The following EPB41L4B variants were observed in gnomAD, a reference collection of about 807,000 sequenced individuals.
EPB41L4B encodes band 4.1-like protein 4B.
Under a neutral mutation model 112.5 loss-of-function variants are expected in EPB41L4B, and 30 were observed. The ratio of observed to expected loss-of-function variants is 0.27; its 90% CI spans 0.20 to 0.36. EPB41L4B has a LOEUF of 0.36. Ranked by LOEUF, EPB41L4B falls within the 10% of genes least tolerant of loss-of-function variation. The probability of loss-of-function intolerance (pLI) is 1.00; values close to 1 mark genes in which losing one functional copy is unlikely to be tolerated. For missense variants in EPB41L4B, 1,024 were observed against 1,133.3 expected, an observed-to-expected ratio of 0.90 and a Z score of 1.38; for synonymous variants, 408 against 439.7, an observed-to-expected ratio of 0.93 and a Z score of 0.90.
At chr9:109,240,180 C>T in intron 15 of EPB41L4B, 1 of 985,258 alleles carries the variant, frequency 1.0e-6, no homozygotes, top group South Asian at 4.7e-5. Context: ...AATCTTTATT[C>T]CTTGGAAACA....
intron 19 of EPB41L4B, among the ~76,000 whole-genome samples, chr9:109,202,133 A>G (rs201632748): frequency 6.6e-6 from 1 of 152,170 alleles, no homozygotes; most frequent in East Asian, 1.9e-4. Flanking sequence ...CCCAGGTTTC[A>G]GGCCTGGGTG....
rs115046760 is a variant in EPB41L4B, at chr9:109,278,190, T to C, written c.411+1627A>G. ...TGTTCTGCCCTTCTCCCGGGTCCGG[T>C]GGACGGAGTGAGAGTCTCTGGCTGA... On this transcript the variant is annotated intron_variant, in intron 2 of 25. Coordinates refer to ENST00000374566, the MANE Select transcript of EPB41L4B (RefSeq NM_019114.5). 7.9e-3 allele frequency among the ~76,000 whole-genome samples: 1,201 copies of C among 152,078 alleles called. 23 individuals carry two copies. Among genetic ancestry groups the C allele is most frequent in the East Asian group, 0.048 (250 of 5,158 alleles).
intron 20 of EPB41L4B, among the ~76,000 whole-genome samples, chr9:109,197,253 T>A (rs982047838): frequency 1.3e-5 from 2 of 151,846 alleles, no homozygotes; most frequent in Non-Finnish European, 2.9e-5. Flanking sequence ...GGAAACCCTG[T>A]CTCTACTAAA....
intron 19 of EPB41L4B, 90 bp from the exon 20 acceptor site, chr9:109,200,424 C>T (rs1832784024): frequency 6.5e-6 from 6 of 920,400 alleles, no homozygotes; most frequent in South Asian, 1.5e-5. Flanking sequence ...AGTTAATGTA[C>T]ACCTTAATAA....
chr9:109,200,287 T>G lies in EPB41L4B; in HGVS notation c.1994A>C (p.Lys665Thr), dbSNP rs755831558. Residue 665 changes from lysine to threonine, a missense_variant, in exon 20 of 26, where the codon AAG (lysine) becomes ACG (threonine). Coordinates refer to ENST00000374566, the MANE Select transcript of EPB41L4B (RefSeq NM_019114.5). ...CACTCGGGGAGGCTTGATTTCCGGC[T>G]TTTCCACAGCTGGCTGGGCAGTTTC... ...RVETAQPAVE[K>T]PEIKPPRVRK... The G allele has an allele frequency of 1.2e-6, 2 of 1,614,154 alleles. No individual in the cohort carries two copies. Among genetic ancestry groups the G allele is most frequent in the Non-Finnish European group, 1.7e-6 (2 of 1,180,018 alleles).
In EPB41L4B at chr9:109,256,383, C is replaced by G. The variant is rs758413853; in HGVS notation, c.840+10G>C. The G allele has an allele frequency of 2.3e-5, 37 of 1,612,962 alleles. No individual in the cohort carries two copies. In the East Asian group the frequency reaches 8.2e-4, roughly 36 times the overall value. ...CAAAACCAAATTACTTAAACGCACA[C>G]AGTTCTTACCCTGACAACGTGCATG... is the stretch of plus-strand genomic sequence containing the variant. On this transcript the variant is annotated intron_variant, in intron 8 of 25. Transcript: ENST00000374566.
intron 15 of EPB41L4B, among the ~76,000 whole-genome samples, chr9:109,237,388 A>C (rs1179829476): frequency 3.9e-5 from 6 of 152,240 alleles, no homozygotes. Context: ...AGAAACATGA[A>C]TAGATGATAA....
At chr9:109,257,853 G>C (rs1394713620) in intron 7 of EPB41L4B, among the ~76,000 whole-genome samples, 1 of 152,178 alleles carries the variant, frequency 6.6e-6, no homozygotes, top group Non-Finnish European at 1.5e-5. Context: ...AAATGAGCCA[G>C]GCATGGTGGT....
intron 1 of EPB41L4B, among the ~76,000 whole-genome samples, chr9:109,282,286 C>A (rs10759337): frequency 0.99 from 150,709 of 152,254 alleles, 74,596 homozygotes; most frequent in East Asian, 1. Flanking sequence ...TTGTAGGGGG[C>A]AGGGGGATTT....
At chr9:109,194,499 G>A in intron 20 of EPB41L4B, 102 bp from the exon 21 acceptor site, 1 of 1,270,914 alleles carries the variant, frequency 7.9e-7, no homozygotes, top group South Asian at 1.5e-5. Flanking sequence ...CAGGGATGGG[G>A]ATTGGGGGTT....
At chr9:109,254,469 AT>A (rs1282871349) in intron 11 of EPB41L4B, among the ~76,000 whole-genome samples, 1 of 151,624 alleles carries the variant, frequency 6.6e-6, no homozygotes, top group Non-Finnish European at 1.5e-5. Flanking sequence ...CAGTAGAAAC[AT>A]TTGAAATGAG....
rs10979764 is a variant in EPB41L4B at position 109,229,663 on chromosome 9, A to G, written c.1410-12518T>C. The stretch of plus-strand genomic sequence containing the variant: ...TGGTTCCTGTTTTACTTTAGCCTCA[A>G]TGGGGACAATTCCATATTCCTAATC... On this transcript the variant is annotated intron_variant, in intron 15 of 25. Coordinates refer to ENST00000374566, the MANE Select transcript of EPB41L4B (RefSeq NM_019114.5). Among the ~76,000 whole-genome samples, 8 of 152,310 alleles carry G rather than the reference A, an allele frequency of 5.3e-5. No homozygotes were observed. In the East Asian group the frequency reaches 1.3e-3, roughly 26 times the overall value.
chr9:109,255,564 G>A lies in EPB41L4B; in HGVS notation c.1116C>T (p.Asn372=), dbSNP rs1032604101. The A allele has an allele frequency of 6.8e-6, 11 of 1,614,242 alleles. No homozygotes were observed. The highest frequency in any genetic ancestry group is 5.0e-5 in the Admixed American group (3 of 60,030). Residue 372 remains asparagine, a synonymous_variant, in exon 11 of 26, where the codon AAC becomes AAT. Transcript: ENST00000374566. ...HAFFRLRTPG[N]SKSNRSDFIR... ...TAAAGTCGGATCTATTGGATTTGCTGTTTCCTGGCGTCCGCAGTCGGAAGA... is the reference window on the plus strand; with the variant it reads ...TAAAGTCGGATCTATTGGATTTGCTATTTCCTGGCGTCCGCAGTCGGAAGA...
chr9:109,232,311 A>ATT (rs112471613), intron 15 of EPB41L4B, among the ~76,000 whole-genome samples: 22 of 146,946 alleles, frequency 1.5e-4, no homozygotes, highest in African/African-American at 4.5e-4. Flanking sequence ...TTTCTTACAG[A>ATT]TTTTTTTTTT....
At chr9:109,241,809 C>T in intron 15 of EPB41L4B, 1 of 1,614,020 alleles carries the variant, frequency 6.2e-7, no homozygotes, top group East Asian at 2.2e-5. Flanking sequence ...GAAAGGATGG[C>T]CTGTTTTGTT....
intron 11 of EPB41L4B, among the ~76,000 whole-genome samples, chr9:109,255,149 G>A (rs1834930736): frequency 6.6e-6 from 1 of 152,144 alleles, no homozygotes; most frequent in Admixed American, 6.5e-5. Context: ...TAATATGGTA[G>A]CCACTAGCCA....
At chr9:109,179,390 C>T (rs1338441220) in intron 24 of EPB41L4B, among the ~76,000 whole-genome samples, 1 of 152,208 alleles carries the variant, frequency 6.6e-6, no homozygotes, top group Non-Finnish European at 1.5e-5. Flanking sequence ...GTTCAAGTGT[C>T]ATGATCTTGG....
intron 15 of EPB41L4B, among the ~76,000 whole-genome samples, chr9:109,229,101 A>G (rs1269754330): frequency 1.3e-5 from 2 of 152,228 alleles, no homozygotes; most frequent in Non-Finnish European, 2.9e-5. Context: ...TATCAACAAG[A>G]AGAAGAAAAA....
chr9:109,315,191 C>T (rs1033726875), intron 1 of EPB41L4B, among the ~76,000 whole-genome samples: 6 of 152,148 alleles, frequency 3.9e-5, no homozygotes, highest in Non-Finnish European at 7.3e-5. Context: ...TGGTATTGCT[C>T]GCCCCATTGC....
Sources: gnomAD v4.1 joint callset for allele counts (sites outside exome capture counted in the v4.1 genomes callset) on GRCh38, gnomAD v4.1.1 for gene constraint, MANE v1.5 for transcripts, NCBI Gene and HGNC (gene_info 2026-07-23, HGNC 2026-07-21) for gene names.